GABRA3: variants seen among roughly 807,000 people sequenced by gnomAD.
GABRA3 encodes gamma-aminobutyric acid receptor subunit alpha-3.
In GABRA3, 10 loss-of-function variants were observed where a neutral mutation model predicts 30.1. The observed-to-expected ratio is 0.33, with a 90% CI of 0.20 to 0.56. GABRA3 has a LOEUF of 0.56. GABRA3 is among the 20% of genes least tolerant of loss of function. The pLI is 0.89. For missense variants in GABRA3, 233 were observed against 392.0 expected, an observed-to-expected ratio of 0.59 and a Z score of 3.42; for synonymous variants, 151 against 146.8, an observed-to-expected ratio of 1.03 and a Z score of -0.21.
chrX:152,293,056 G>A (rs937896349), intron 3 of GABRA3, among the ~76,000 whole-genome samples: 1 of 111,406 alleles, frequency 9.0e-6, no homozygotes, highest in African/African-American at 3.3e-5. Flanking sequence ...TTCTGTAGAT[G>A]TCTATTAGAT....
At chrX:152,349,436 A>T (rs1490890268) in intron 2 of GABRA3, among the ~76,000 whole-genome samples, 1 of 108,816 alleles carries the variant, frequency 9.2e-6, no homozygotes, top group Non-Finnish European at 1.9e-5. Context: ...TAATGACAGG[A>T]TCAAATTCAC....
At chrX:152,421,430 A>G (rs1930371140) in intron 1 of GABRA3, among the ~76,000 whole-genome samples, 1 of 111,398 alleles carries the variant, frequency 9.0e-6, no homozygotes, top group South Asian at 3.7e-4. Context: ...GTAAAACAAT[A>G]AAGCTTCTAG....
chrX:152,215,052 A>T (rs184066428), intron 6 of GABRA3, among the ~76,000 whole-genome samples: 1,544 of 102,767 alleles, frequency 0.015, 10 homozygotes, highest in Middle Eastern at 0.034. Context: ...ATATATATAT[A>T]TATTTTTTTA....
In GABRA3 at chrX:152,224,739, G is replaced by C. The variant is rs201803209; in HGVS notation, c.634+24C>G. 4.0e-5 allele frequency: 33 copies of C among 823,628 alleles called. No homozygotes were observed. The East Asian group carries it at 1.0e-3, about 26-fold the overall frequency. The allele number at this position is 823,628 out of a possible 1,213,427, so 67.9% of individuals were successfully genotyped here. A position where few individuals can be genotyped will look rare whatever the true frequency, so the allele number is the denominator to read the frequency against. On this transcript the variant is annotated intron_variant, in intron 6 of 9. Transcript: ENST00000370314. ...GAAGATCAGGCAAAAAAAAAAGACA[G>C]AGAGAGAGAGAGAAAATACATACAG...
chrX:152,435,921 T>C (rs1930767554), intron 1 of GABRA3, among the ~76,000 whole-genome samples: 1 of 111,505 alleles, frequency 9.0e-6, no homozygotes, highest in Non-Finnish European at 1.9e-5. Context: ...CCATTTATAA[T>C]AGCATCAAAA....
At chrX:152,301,375 G>C (rs1939627140) in intron 3 of GABRA3, among the ~76,000 whole-genome samples, 1 of 111,690 alleles carries the variant, frequency 9.0e-6, no homozygotes, top group South Asian at 3.7e-4. Context: ...AAGTTTCTTT[G>C]GGCTCAAGAG....
intron 4 of GABRA3, among the ~76,000 whole-genome samples, chrX:152,265,315 A>G (rs1019548567): frequency 1.8e-5 from 2 of 111,820 alleles, no homozygotes; most frequent in Non-Finnish European, 3.8e-5. Flanking sequence ...ACCACAATGG[A>G]AAAAAACCAG....
chrX:152,360,669 C>A, intron 2 of GABRA3, among the ~76,000 whole-genome samples: 1 of 63,014 alleles, frequency 1.6e-5, no homozygotes, highest in African/African-American at 6.5e-5. Flanking sequence ...GCACAATGTG[C>A]ACATGTACCC....
intron 5 of GABRA3, among the ~76,000 whole-genome samples, chrX:152,237,471 C>T (rs1281947667): frequency 2.0e-5 from 2 of 100,815 alleles, no homozygotes; most frequent in Non-Finnish European, 3.9e-5. Flanking sequence ...ATTGACTTGG[C>T]AATGCGGGCT....
chrX:152,260,200 G>C (rs1395153582), intron 4 of GABRA3, among the ~76,000 whole-genome samples: 1 of 111,166 alleles, frequency 9.0e-6, no homozygotes, highest in Non-Finnish European at 1.9e-5. Flanking sequence ...TGTGGTTTAA[G>C]AGCCAGCTCA....
chrX:152,238,413 T>A (rs1368821179), intron 5 of GABRA3, among the ~76,000 whole-genome samples: 1 of 105,820 alleles, frequency 9.5e-6, no homozygotes, highest in Non-Finnish European at 1.9e-5. Context: ...TATTGAGGAT[T>A]TTTGCATCAT....
intron 1 of GABRA3, among the ~76,000 whole-genome samples, chrX:152,404,441 C>A (rs920782812): frequency 9.1e-6 from 1 of 110,425 alleles, no homozygotes; most frequent in Non-Finnish European, 1.9e-5. Context: ...AAAAAAGTCC[C>A]AAATAAAAGT....
chrX:152,238,464 T>G (rs1938278259), intron 5 of GABRA3, among the ~76,000 whole-genome samples: 1 of 107,238 alleles, frequency 9.3e-6, no homozygotes, highest in Non-Finnish European at 1.9e-5. Context: ...CTTTTTTGGT[T>G]GTGTCTCTGC....
intron 1 of GABRA3, chrX:152,394,552 G>C (rs1035795559): frequency 2.7e-5 from 10 of 372,730 alleles, no homozygotes; most frequent in Middle Eastern, 8.7e-4. Context: ...GATGACAAAG[G>C]ACAGAGAAAA....
At chrX:152,428,473 C>T (rs193263551) in intron 1 of GABRA3, among the ~76,000 whole-genome samples, 37 of 112,288 alleles carry the variant, frequency 3.3e-4, no homozygotes, top group Middle Eastern at 9.2e-3. Context: ...ATAGTTCAGG[C>T]AACCTGCCTT....
intron 3 of GABRA3, among the ~76,000 whole-genome samples, chrX:152,289,740 A>G (rs1332619154): frequency 9.1e-6 from 1 of 109,640 alleles, no homozygotes; most frequent in Non-Finnish European, 1.9e-5. Context: ...CTGTTAAATA[A>G]TCACCTATGA....
chrX:152,240,764 C>T (rs1177437249), intron 5 of GABRA3, among the ~76,000 whole-genome samples: 9 of 100,828 alleles, frequency 8.9e-5, no homozygotes, highest in Non-Finnish European at 1.8e-4. Flanking sequence ...ATTACTGATA[C>T]CCTTTCTTCC....
At chrX:152,335,002 T>C (rs1015456935) in intron 3 of GABRA3, among the ~76,000 whole-genome samples, 4 of 111,605 alleles carry the variant, frequency 3.6e-5, no homozygotes, top group Admixed American at 1.9e-4. Flanking sequence ...AGGAATAAGC[T>C]ACCTGTTGCT....
intron 9 of GABRA3, among the ~76,000 whole-genome samples, chrX:152,172,974 A>C (rs1451168610): frequency 9.0e-6 from 1 of 111,529 alleles, no homozygotes; most frequent in Non-Finnish European, 1.9e-5. Context: ...ACACACACAC[A>C]CACACACATA....
Sources: gnomAD v4.1 joint callset for allele counts (sites outside exome capture counted in the v4.1 genomes callset) on GRCh38, gnomAD v4.1.1 for gene constraint, MANE v1.5 for transcripts, NCBI Gene and HGNC (gene_info 2026-07-23, HGNC 2026-07-21) for gene names.